The following KLF13 variants were observed in gnomAD, a reference collection of about 807,000 sequenced individuals.
KLF13 encodes KLF transcription factor 13, also known as Krueppel-like factor 13.
Under a neutral mutation model 16.7 loss-of-function variants are expected in KLF13, and 8 were observed. The observed-to-expected ratio is 0.48, with a 90% CI of 0.28 to 0.87. KLF13 has a LOEUF of 0.87. KLF13 is among the 40% of genes least tolerant of loss of function. KLF13 has a pLI of 0.10. For missense variants in KLF13, 447 were observed against 452.2 expected, an observed-to-expected ratio of 0.99 and a Z score of 0.10; for synonymous variants, 245 against 208.4, an observed-to-expected ratio of 1.18 and a Z score of -1.51.
intron 1 of KLF13, among the ~76,000 whole-genome samples, chr15:31,343,955 C>A (rs2039071432): frequency 6.6e-6 from 1 of 152,232 alleles, no homozygotes; most frequent in South Asian, 2.1e-4. Flanking sequence ...GTCCCTCCCT[C>A]TGAGACGGCA....
chr15:31,398,963 G>T (rs2140990127), intron 2 of KLF13, among the ~76,000 whole-genome samples: 1 of 152,316 alleles, frequency 6.6e-6, no homozygotes, highest in Non-Finnish European at 1.5e-5. Context: ...GCCCAGGGAA[G>T]CTCAGTGTCA....
chr15:31,368,092 T>G (rs1035634165), intron 1 of KLF13, among the ~76,000 whole-genome samples: 3 of 148,202 alleles, frequency 2.0e-5, no homozygotes, highest in African/African-American at 7.5e-5. Context: ...ACTTGGGAGC[T>G]CATCTCCAGA....
At chr15:31,422,449 C>T (rs1340679381) in intron 1 of KLF13, among the ~76,000 whole-genome samples, 1 of 152,090 alleles carries the variant, frequency 6.6e-6, no homozygotes, top group Admixed American at 6.6e-5. Flanking sequence ...ATAAAACCAT[C>T]AGATCTCCTA....
At chr15:31,383,935 A>G (rs1349739587) in intron 1 of KLF13, among the ~76,000 whole-genome samples, 1 of 144,378 alleles carries the variant, frequency 6.9e-6, no homozygotes, top group Non-Finnish European at 1.5e-5. Flanking sequence ...AAAATAAAAT[A>G]AAAATATCAA....
At chr15:31,351,148 C>T (rs761707588) in intron 1 of KLF13, among the ~76,000 whole-genome samples, 8 of 152,200 alleles carry the variant, frequency 5.3e-5, no homozygotes, top group Non-Finnish European at 8.8e-5. Context: ...GCTTTTGGTG[C>T]TCTGGGCTGG....
intron 1 of KLF13, among the ~76,000 whole-genome samples, chr15:31,340,736 G>A (rs1487824871): frequency 6.6e-6 from 1 of 152,132 alleles, no homozygotes; most frequent in African/African-American, 2.4e-5. Flanking sequence ...GGGCATGGTG[G>A]TGCACACACC....
Position 31,423,167 on chromosome 15 carries a change from A to ATATACACG in KLF13, n.118-12199_118-12198insCACGTATA, listed in dbSNP as rs2040363379. On this transcript the variant is annotated intron_variant and non_coding_transcript_variant, in intron 1 of 1. Transcript: ENST00000558225. ...TACGTATATATACGTATATATATGT[A>ATATACACG]TATATATACATATATACGTATATAT... Among the ~76,000 whole-genome samples the ATATACACG allele has an allele frequency of 9.3e-5, 10 of 107,282 alleles. 4 individuals carry two copies. The highest frequency in any genetic ancestry group is 5.8e-4 in the African/African-American group (10 of 17,154). The allele number at this position is 107,282 out of a possible 152,430, so 70.4% of individuals were successfully genotyped here.
chr15:31,336,532 C>T (rs539043986), intron 1 of KLF13, among the ~76,000 whole-genome samples: 24 of 152,294 alleles, frequency 1.6e-4, no homozygotes, highest in East Asian at 1.2e-3. Context: ...TTCTCTGAGC[C>T]TTTCTACTTG....
chr15:31,327,883 G>A, intron 1 of KLF13, 94 bp downstream of exon 1: 1 of 1,176,592 alleles, frequency 8.5e-7, no homozygotes, highest in Non-Finnish European at 1.1e-6. Flanking sequence ...GGCGCGAGGT[G>A]GGGGCCGGGC....
Position 31,422,132 on chromosome 15 carries a change from CAA to C in KLF13, n.118-13223_118-13222del, listed in dbSNP as rs72041709. On this transcript the variant is annotated intron_variant and non_coding_transcript_variant, in intron 1 of 1. Transcript: ENST00000558225. ...TCCATCTCAAAAACAAACAAACAAA[CAA>C]AAAAAAAAAAAAAAGAAAAAAGAAA... 7.1e-4 allele frequency among the ~76,000 whole-genome samples: 55 copies of C among 77,872 alleles called. 1 individual carries two copies. Among genetic ancestry groups the C allele is most frequent in the African/African-American group, 3.1e-3 (41 of 13,366 alleles). 51.1% of individuals were successfully genotyped at this position (77,872 alleles called of 152,430 possible).
chr15:31,397,568 G>T (rs140956725), intron 2 of KLF13, among the ~76,000 whole-genome samples: 179 of 152,368 alleles, frequency 1.2e-3, no homozygotes, highest in Middle Eastern at 0.01. Flanking sequence ...TGGGGTCAGG[G>T]CTGCCTCTTG....
rs1360018758 is a variant in KLF13 at position 31,372,122 on chromosome 15, C to T, written c.690C>T (p.Pro230=). 6.2e-7 allele frequency: 1 copy of T among 1,613,140 alleles called. No individual in the cohort carries two copies. Among genetic ancestry groups the T allele is most frequent in the South Asian group, 1.1e-5 (1 of 91,086 alleles). The stretch of plus-strand genomic sequence containing the variant: ...CGGGCGAGAAGAAGTTCAGCTGCCC[C>T]ATCTGCGAGAAGCGCTTCATGCGCA... ...THTGEKKFSC[P]ICEKRFMRSD... Residue 230 remains proline, a synonymous_variant, in exon 2 of 2, where the codon CCC becomes CCT. Coordinates refer to ENST00000307145, the MANE Select transcript of KLF13 (RefSeq NM_015995.4).
intron 1 of KLF13, among the ~76,000 whole-genome samples, chr15:31,434,768 C>T (rs1405884579): frequency 2.0e-5 from 3 of 152,232 alleles, no homozygotes; most frequent in Non-Finnish European, 2.9e-5. Flanking sequence ...CAGCAGCCCA[C>T]GCCTCCCTGC....
intron 1 of KLF13, among the ~76,000 whole-genome samples, chr15:31,423,213 A>G (rs1374699777): frequency 7.0e-6 from 1 of 143,458 alleles, no homozygotes; most frequent in African/African-American, 2.6e-5. Flanking sequence ...AGCTCACTCA[A>G]ATATATGAAG....
In KLF13 at chr15:31,361,160, GGCAGCAGGGGCCCCTGGGT is replaced by G. The variant is rs568264091; in HGVS notation, c.578-10845_578-10827del. Among the ~76,000 whole-genome samples the G allele has an allele frequency of 2.8e-4, 43 of 152,318 alleles. No individual in the cohort carries two copies. The East Asian group carries it at 6.7e-3, about 24-fold the overall frequency. ...AGGCCTCGTAGAGCCTGGCTGTGGG[GGCAGCAGGGGCCCCTGGGT>G]GCAGAGGGTAGCCTCGCCGCACTGT... is the stretch of plus-strand genomic sequence containing the variant. On this transcript the variant is annotated intron_variant, in intron 1 of 1. Coordinates refer to ENST00000307145, the MANE Select transcript of KLF13 (RefSeq NM_015995.4).
chr15:31,349,133 G>A (rs2039175521), intron 1 of KLF13, among the ~76,000 whole-genome samples: 2 of 152,184 alleles, frequency 1.3e-5, no homozygotes, highest in Non-Finnish European at 2.9e-5. Flanking sequence ...GGCAGATGGC[G>A]AGGTAGGGTG....
chr15:31,338,318 A>ATG (rs942788383), intron 1 of KLF13, among the ~76,000 whole-genome samples: 3 of 152,010 alleles, frequency 2.0e-5, no homozygotes, highest in Non-Finnish European at 2.9e-5. Context: ...GTGTATGTGT[A>ATG]TGTGTGTGTG....
intron 1 of KLF13, among the ~76,000 whole-genome samples, chr15:31,423,107 G>GTATATATACGTATATGTATACGTATA (rs1412478799): frequency 2.3e-4 from 6 of 26,408 alleles, no homozygotes; most frequent in African/African-American, 4.0e-4. Context: ...ATACGTATAC[G>GTATATATACGTATATGTATACGTATA]TATACGTATA....
chr15:31,418,943 C>G (rs1301180947), intron 1 of KLF13, among the ~76,000 whole-genome samples: 1 of 152,110 alleles, frequency 6.6e-6, no homozygotes, highest in Non-Finnish European at 1.5e-5. Context: ...GACCCTGTCT[C>G]TAAAAATACA....
Sources: allele counts gnomAD v4.1 joint callset (sites outside exome capture counted in the v4.1 genomes callset), GRCh38; gene constraint gnomAD v4.1.1; transcripts MANE v1.5; gene names NCBI Gene and HGNC (gene_info 2026-07-23, HGNC 2026-07-21).